Variants in CRTC1 observed in about 807,000 individuals in gnomAD.
CRTC1 encodes CREB regulated transcription coactivator 1.
CRTC1 carries 18 observed loss-of-function variants against 66.1 expected under a neutral mutation model. The ratio of observed to expected loss-of-function variants is 0.27; its 90% CI spans 0.19 to 0.40. The LOEUF is 0.40. Ranked by LOEUF, CRTC1 falls within the 10% of genes least tolerant of loss-of-function variation. The pLI is 1.00. For missense variants in CRTC1, 669 were observed against 887.9 expected (o/e 0.75, Z 3.13); for synonymous variants, 416 against 398.8 (o/e 1.04, Z -0.51).
rs111946952 is a variant in CRTC1 at position 18,736,715 on chromosome 19, G to C, written c.127-6195G>C. Among the ~76,000 whole-genome samples, 19 of 150,520 alleles carry C rather than the reference G, an allele frequency of 1.3e-4. 1 individual carries two copies. Among genetic ancestry groups the C allele is most frequent in the African/African-American group, 4.5e-4 (18 of 39,890 alleles). ...TTTGAAGCCTAGAGGTGGAGAGGGG[G>C]GGAAACTGAGGCCTGACTGGCACAG... is the stretch of plus-strand genomic sequence containing the variant. On this transcript the variant is annotated intron_variant, in intron 1 of 13. Transcript: ENST00000321949.
chr19:18,748,710 A>T (rs1161366416), intron 4 of CRTC1, among the ~76,000 whole-genome samples: 2 of 150,740 alleles, frequency 1.3e-5, no homozygotes, highest in East Asian at 3.9e-4. Flanking sequence ...AAAAAAAAAA[A>T]AAGAAAAACC....
chr19:18,748,845 G>A (rs537623962), intron 4 of CRTC1, among the ~76,000 whole-genome samples: 3 of 151,962 alleles, frequency 2.0e-5, no homozygotes, highest in South Asian at 2.1e-4. Flanking sequence ...CACCAAGCCC[G>A]TATCATAGGT....
At chr19:18,729,771 G>T (rs1254898665) in intron 1 of CRTC1, among the ~76,000 whole-genome samples, 1 of 151,950 alleles carries the variant, frequency 6.6e-6, no homozygotes, top group East Asian at 1.9e-4. Context: ...TAATAAGTTG[G>T]TTCAGTTTCA....
At chr19:18,736,915 C>A (rs1248483464) in intron 1 of CRTC1, among the ~76,000 whole-genome samples, 1 of 152,162 alleles carries the variant, frequency 6.6e-6, no homozygotes, top group Non-Finnish European at 1.5e-5. Flanking sequence ...CAGAGCGAGC[C>A]CCAGGAAGGG....
intron 9 of CRTC1, among the ~76,000 whole-genome samples, chr19:18,766,498 G>A (rs1193429312): frequency 6.6e-6 from 1 of 151,906 alleles, no homozygotes; most frequent in Non-Finnish European, 1.5e-5. Context: ...CCAGGGTGGA[G>A]TGCAGTGGCG....
chr19:18,775,972 C>G lies in CRTC1; in HGVS notation c.1693+151C>G, dbSNP rs1447294138. 5 of 838,568 alleles carry G rather than the reference C, an allele frequency of 6.0e-6. No homozygotes were observed. The African/African-American group carries it at 6.9e-5, about 12-fold the overall frequency. The allele number at this position is 838,568 out of a possible 1,614,324, so 51.9% of individuals were successfully genotyped here. A position where few individuals can be genotyped will look rare whatever the true frequency, so the allele number is the denominator to read the frequency against. On this transcript the variant is annotated intron_variant, in intron 13 of 13. Coordinates refer to ENST00000321949, the MANE Select transcript of CRTC1 (RefSeq NM_015321.3). ...GGGGCCTGAGGAGGCCACACCCCCT[C>G]TCCCCTGAATTTGACTCACTCCTGG...
intron 1 of CRTC1, among the ~76,000 whole-genome samples, chr19:18,695,843 C>T (rs534952945): frequency 5.3e-5 from 8 of 152,162 alleles, no homozygotes; most frequent in Middle Eastern, 3.4e-3. Context: ...CCAGCCTGGG[C>T]GACAGAGTGA....
In CRTC1 at chr19:18,781,102, C is replaced by G. The variant is rs1021683597; in HGVS notation, c.*3720C>G. On this transcript the variant is annotated 3_prime_UTR_variant, in exon 14 of 14. Transcript: ENST00000321949. Reference sequence around the variant, plus strand: ...GTCCCGATGGAGCCGTCTCAGAGGCCGAGGGGCCCTCTGTGTGGGGGTGGG... The same window carrying G: ...GTCCCGATGGAGCCGTCTCAGAGGCGGAGGGGCCCTCTGTGTGGGGGTGGG... The G allele has an allele frequency of 4.4e-6, 1 of 227,694 alleles. No homozygotes were observed. The highest frequency in any genetic ancestry group is 8.7e-6 in the Non-Finnish European group (1 of 114,648). 14.1% of individuals were successfully genotyped at this position (227,694 alleles called of 1,614,324 possible). A position where few individuals can be genotyped will look rare whatever the true frequency, so the allele number is the denominator to read the frequency against.
At chr19:18,727,663 A>G (rs533195664) in intron 1 of CRTC1, among the ~76,000 whole-genome samples, 2 of 151,840 alleles carry the variant, frequency 1.3e-5, no homozygotes, top group Admixed American at 1.3e-4. Context: ...TCTACAAGCC[A>G]AGAAGTGCTA....
intron 1 of CRTC1, among the ~76,000 whole-genome samples, chr19:18,726,253 G>C (rs192265807): frequency 8.5e-5 from 13 of 152,370 alleles, no homozygotes; most frequent in African/African-American, 2.9e-4. Context: ...CCAGCCACCT[G>C]CCTCTCAGAG....
chr19:18,747,592 C>G (rs1415911182), intron 4 of CRTC1, among the ~76,000 whole-genome samples: 1 of 152,034 alleles, frequency 6.6e-6, no homozygotes, highest in Non-Finnish European at 1.5e-5. Flanking sequence ...AAGATCGAGC[C>G]ACTGCACTCC....
At chr19:18,773,641 C>T (rs980965884) in intron 11 of CRTC1, among the ~76,000 whole-genome samples, 7 of 152,190 alleles carry the variant, frequency 4.6e-5, no homozygotes, top group African/African-American at 1.4e-4. Context: ...CGCAAGCTTG[C>T]GGTCCTTGTT....
At chr19:18,766,287 ATTTTTTTT>A (rs1020411277) in intron 9 of CRTC1, among the ~76,000 whole-genome samples, 1 of 109,680 alleles carries the variant, frequency 9.1e-6, no homozygotes. Flanking sequence ...TGCCTGGCTA[ATTTTTTTT>A]TTTTTTTTTT....
In CRTC1 at chr19:18,771,477, C is replaced by T. The variant is rs773437159; in HGVS notation, c.1356C>T (p.Gly452=). Residue 452 remains glycine, a synonymous_variant, in exon 11 of 14, where the codon GGC becomes GGT. Coordinates refer to ENST00000321949, the MANE Select transcript of CRTC1 (RefSeq NM_015321.3). This position sits in a 1 kb window ranked among gnomAD's most constrained non-coding sequence, Gnocchi z 4.6. ...PALQQYRTSA[G]SPANQSPTSP... ...TGCAGCAGTACCGCACTAGCGCCGG[C>T]TCCCCGGCCAACCAGTCTCCCACCT... is the stretch of plus-strand genomic sequence containing the variant. 2 of 1,613,690 alleles carry T rather than the reference C, an allele frequency of 1.2e-6. No homozygotes were observed. Among genetic ancestry groups the T allele is most frequent in the Non-Finnish European group, 1.7e-6 (2 of 1,179,764 alleles).
At chr19:18,739,316 G>A (rs572776245) in intron 1 of CRTC1, among the ~76,000 whole-genome samples, 35 of 152,350 alleles carry the variant, frequency 2.3e-4, no homozygotes, top group Admixed American at 5.9e-4. Context: ...AGAGCTAGCC[G>A]CTGGCTCCAA....
intron 11 of CRTC1, among the ~76,000 whole-genome samples, chr19:18,772,027 C>G (rs2054881183): frequency 6.6e-6 from 1 of 152,192 alleles, no homozygotes; most frequent in African/African-American, 2.4e-5. Flanking sequence ...AACCACTGGC[C>G]CAGGAGGCTT....
chr19:18,753,575 A>G lies in CRTC1; in HGVS notation c.614A>G (p.Asp205Gly), dbSNP rs2054418945. Residue 205 changes from aspartate to glycine, a missense_variant, in exon 6 of 14, where the codon GAC (aspartate) becomes GGC (glycine). Physicochemically the swap from Asp to Gly is moderately conservative, Grantham distance 94. Around this residue, in one of 8 missense-constraint regions of CRTC1, gnomAD observed 214 missense variants for 323.4 expected, o/e 0.66. Coordinates refer to ENST00000321949, the MANE Select transcript of CRTC1 (RefSeq NM_015321.3). ...ADKNLSKQAW[D>G]TKKTGSRPKS... ...AAAAACCTTTCCAAGCAAGCATGGG[A>G]CACCAAGAAGGTAAGAGCCTATGAG... is the stretch of plus-strand genomic sequence containing the variant. 4 of 1,610,992 alleles carry G rather than the reference A, an allele frequency of 2.5e-6. No individual in the cohort carries two copies. The South Asian group carries it at 3.3e-5, about 13-fold the overall frequency.
In CRTC1 at chr19:18,771,124, G is replaced by A. The variant is rs532043404; in HGVS notation, c.1321-318G>A. Among the ~76,000 whole-genome samples, 3 of 151,662 alleles carry A rather than the reference G, an allele frequency of 2.0e-5. No homozygotes were observed. In the South Asian group the frequency reaches 6.2e-4, roughly 31 times the overall value. On this transcript the variant is annotated intron_variant, in intron 10 of 13. Coordinates refer to ENST00000321949, the MANE Select transcript of CRTC1 (RefSeq NM_015321.3). This position sits in a 1 kb window ranked among gnomAD's most constrained non-coding sequence, Gnocchi z 4.6. ...GGTGTGCATGCATGAGAGTGCACACGTTGCTATATGGCTCTGAGCCTGCTG... is the reference window on the plus strand; with the variant it reads ...GGTGTGCATGCATGAGAGTGCACACATTGCTATATGGCTCTGAGCCTGCTG...
At chr19:18,685,018 G>A (rs2052654705) in intron 1 of CRTC1, among the ~76,000 whole-genome samples, 1 of 152,184 alleles carries the variant, frequency 6.6e-6, no homozygotes, top group South Asian at 2.1e-4. Context: ...GCCTTGGGGA[G>A]GGTTTGGGTG....
Sources: gnomAD v4.1 joint callset for allele counts (sites outside exome capture counted in the v4.1 genomes callset) on GRCh38, gnomAD v4.1.1 for gene constraint, gnomAD v4.1.1 regional missense constraint, Gnocchi (gnomAD v3.1) non-coding constraint, MANE v1.5 for transcripts, NCBI Gene and HGNC (gene_info 2026-07-23, HGNC 2026-07-21) for gene names.